Variants in TBX15 observed in about 807,000 individuals in gnomAD.
TBX15 encodes the protein T-box transcription factor 15.
Under a neutral mutation model 53.9 loss-of-function variants are expected in TBX15, and 18 were observed. The observed-to-expected ratio is 0.33, with a 90% CI of 0.23 to 0.49. The LOEUF (loss-of-function observed/expected upper bound fraction) is 0.49. TBX15 is among the 20% of genes least tolerant of loss of function. The pLI, the probability that TBX15 is intolerant of heterozygous loss-of-function variation, is 0.98. For missense variants in TBX15, 692 were observed against 749.5 expected, an observed-to-expected ratio of 0.92 and a Z score of 0.90; for synonymous variants, 295 against 278.0, an observed-to-expected ratio of 1.06 and a Z score of -0.61.
At chr1:118,950,160 T>C (rs749985788) in intron 1 of TBX15, among the ~76,000 whole-genome samples, 1 of 152,188 alleles carries the variant, frequency 6.6e-6, no homozygotes, top group African/African-American at 2.4e-5. Flanking sequence ...GAAGAAATTG[T>C]AAAAGACTGC....
chr1:118,904,947 TGGAG>T (rs1654762423), intron 6 of TBX15, among the ~76,000 whole-genome samples: 1 of 152,182 alleles, frequency 6.6e-6, no homozygotes, highest in Admixed American at 6.5e-5. Flanking sequence ...ATCTGTAAAA[TGGAG>T]ATAATCATAA....
chr1:118,971,465 A>T (rs916958382), intron 1 of TBX15, among the ~76,000 whole-genome samples: 1 of 152,218 alleles, frequency 6.6e-6, no homozygotes, highest in Non-Finnish European at 1.5e-5. Flanking sequence ...CAGTTTTACA[A>T]ATGTTAACTG....
At chr1:118,890,765 C>T in intron 7 of TBX15, 2 of 589,070 alleles carry the variant, frequency 3.4e-6, no homozygotes, top group Admixed American at 3.8e-5. Flanking sequence ...GTTTCTTTTT[C>T]AATTTATTTT....
intron 6 of TBX15, among the ~76,000 whole-genome samples, chr1:118,901,203 G>C (rs1324390970): frequency 6.6e-6 from 1 of 152,124 alleles, no homozygotes; most frequent in African/African-American, 2.4e-5. Flanking sequence ...AGTTCTGGAG[G>C]CTGAGAAGTC....
intron 1 of TBX15, among the ~76,000 whole-genome samples, chr1:118,971,103 T>C (rs1194107501): frequency 6.6e-6 from 1 of 152,200 alleles, no homozygotes; most frequent in African/African-American, 2.4e-5. Context: ...GTCACAATCC[T>C]GAAACAAATA....
At chr1:118,920,638 G>T (rs1655394921) in intron 5 of TBX15, among the ~76,000 whole-genome samples, 1 of 152,070 alleles carries the variant, frequency 6.6e-6, no homozygotes, top group South Asian at 2.1e-4. Context: ...GCATAGAAAT[G>T]GTGCAATTAT....
intron 7 of TBX15, among the ~76,000 whole-genome samples, chr1:118,893,263 A>G (rs1378447598): frequency 4.8e-5 from 6 of 124,794 alleles, no homozygotes; most frequent in African/African-American, 1.8e-4. Flanking sequence ...AGGAAGAAAG[A>G]AAGGAAGAAG....
chr1:118,923,980 T>C (rs1165664677), intron 4 of TBX15, among the ~76,000 whole-genome samples: 1 of 152,238 alleles, frequency 6.6e-6, no homozygotes, highest in Non-Finnish European at 1.5e-5. Flanking sequence ...AAATTCTACA[T>C]CCTATTATTT....
chr1:118,895,502 T>C (rs1489830946), intron 7 of TBX15, among the ~76,000 whole-genome samples: 1 of 152,188 alleles, frequency 6.6e-6, no homozygotes, highest in Non-Finnish European at 1.5e-5. Flanking sequence ...CAGGATTGCA[T>C]TGTATTTAGT....
chr1:118,908,013 G>C (rs1654895041), intron 6 of TBX15, among the ~76,000 whole-genome samples: 1 of 152,142 alleles, frequency 6.6e-6, no homozygotes, highest in Non-Finnish European at 1.5e-5. Flanking sequence ...TCTTACAGCA[G>C]TGATCAGTCT....
intron 6 of TBX15, among the ~76,000 whole-genome samples, chr1:118,900,543 T>C (rs967759172): frequency 1.3e-5 from 2 of 152,152 alleles, no homozygotes; most frequent in African/African-American, 4.8e-5. Context: ...CCTGGAATCT[T>C]GGAGGCTTTA....
At chr1:118,893,717 C>A (rs1000348606) in intron 7 of TBX15, among the ~76,000 whole-genome samples, 4 of 152,118 alleles carry the variant, frequency 2.6e-5, no homozygotes, top group Non-Finnish European at 4.4e-5. Context: ...AACTTATTTT[C>A]TTCTTTTTTC....
intron 1 of TBX15, among the ~76,000 whole-genome samples, chr1:118,983,336 T>C (rs1657706384): frequency 6.6e-6 from 1 of 152,204 alleles, no homozygotes; most frequent in African/African-American, 2.4e-5. Flanking sequence ...TTACAATTAC[T>C]TCCCTTTGCC....
chr1:118,903,422 A>G (rs1381226186), intron 6 of TBX15, among the ~76,000 whole-genome samples: 1 of 152,204 alleles, frequency 6.6e-6, no homozygotes, highest in Non-Finnish European at 1.5e-5. Flanking sequence ...AAGTACAACA[A>G]TAATTATAAT....
Position 118,987,767 on chromosome 1 carries a change from G to A in TBX15, c.29C>T (p.Ala10Val). Residue 10 changes from alanine to valine, a missense_variant, in exon 1 of 8, where the codon GCC becomes GTC. By Grantham distance (64) the Ala-to-Val change is moderately conservative. Transcript: ENST00000369429. ...GAAGGCATGTGCTCGCGAGCTCAGG[G>A]CGACTGCAGATCTTCTCCTTTCACT... Reference protein sequence around the residue: MSERRRSAVALSSRAHAFSV... With the variant: MSERRRSAVVLSSRAHAFSV... The A allele has an allele frequency of 6.5e-7, 1 of 1,550,212 alleles. No individual in the cohort carries two copies. Among genetic ancestry groups the A allele is most frequent in the Non-Finnish European group, 8.7e-7 (1 of 1,146,836 alleles).
intron 6 of TBX15, among the ~76,000 whole-genome samples, chr1:118,902,951 C>T (rs1430084492): frequency 1.3e-5 from 2 of 152,104 alleles, no homozygotes; most frequent in African/African-American, 4.8e-5. Context: ...AAAAGCAGTC[C>T]TAGGTAATGG....
At chr1:118,891,129 G>A (rs1441620511) in intron 7 of TBX15, among the ~76,000 whole-genome samples, 1 of 152,214 alleles carries the variant, frequency 6.6e-6, no homozygotes, top group Non-Finnish European at 1.5e-5. Context: ...GAACATTAGA[G>A]TGCTAATAGG....
chr1:118,921,185 C>T (rs1655414101), intron 5 of TBX15, among the ~76,000 whole-genome samples: 1 of 151,654 alleles, frequency 6.6e-6, no homozygotes, highest in Non-Finnish European at 1.5e-5. Flanking sequence ...TCCCAAAAAA[C>T]AAACAAACAA....
intron 2 of TBX15, among the ~76,000 whole-genome samples, chr1:118,929,651 T>G (rs893345169): frequency 3.3e-5 from 5 of 152,072 alleles, no homozygotes; most frequent in African/African-American, 9.7e-5. Flanking sequence ...GGTGAACTTG[T>G]GAAATCAGGG....
Sources: gnomAD v4.1 joint callset for allele counts (sites outside exome capture counted in the v4.1 genomes callset) on GRCh38, gnomAD v4.1.1 for gene constraint, MANE v1.5 for transcripts, NCBI Gene and HGNC (gene_info 2026-07-23, HGNC 2026-07-21) for gene names.